Variants in DCDC1 observed in about 807,000 individuals in gnomAD.
DCDC1 encodes doublecortin domain-containing protein 1.
Under a neutral mutation model 178.3 loss-of-function variants are expected in DCDC1, and 200 were observed. The observed-to-expected ratio is 1.12, with a 90% CI of 1.00 to 1.26. The LOEUF is 1.26. Among genes scored for constraint, DCDC1 ranks in the 50% most tolerant of loss-of-function variants. The pLI, the probability that DCDC1 is intolerant of heterozygous loss-of-function variation, is 0.00. For synonymous variants in DCDC1, 690 were observed against 604.8 expected, an observed-to-expected ratio of 1.14 and a Z score of -2.07; for missense variants, 1,983 against 1,749.2, an observed-to-expected ratio of 1.13 and a Z score of -2.38.
chr11:31,139,677 G>C (rs1963583295), intron 9 of DCDC1, among the ~76,000 whole-genome samples: 1 of 152,126 alleles, frequency 6.6e-6, no homozygotes, highest in Admixed American at 6.5e-5. Flanking sequence ...CGAGTTTTCA[G>C]GGCCATGACA....
chr11:31,262,180 T>C (rs1170608859), intron 8 of DCDC1, among the ~76,000 whole-genome samples: 1 of 152,014 alleles, frequency 6.6e-6, no homozygotes, highest in Non-Finnish European at 1.5e-5. Flanking sequence ...GGTGGGAGGA[T>C]TGCTTGAGCT....
intron 1 of DCDC1, among the ~76,000 whole-genome samples, chr11:31,364,042 C>A (rs1396125981): frequency 1.3e-5 from 2 of 152,114 alleles, no homozygotes; most frequent in African/African-American, 4.8e-5. Flanking sequence ...GTGAACCATG[C>A]ACTCTCTGAG....
rs758114314 is a variant in DCDC1 at position 31,306,301 on chromosome 11, A to C, written c.522T>G (p.Ile174Met). ...ATCCATTTTTGTAAGCTGTTACTTT[A>C]ATCACTCTTGGTTGAAGTTTGTGTC... Reference protein sequence around the residue: ...SQRHKLQPRVIKVTAYKNGSR... With the variant: ...SQRHKLQPRVMKVTAYKNGSR... Residue 174 changes from isoleucine (I) to methionine (M), a missense_variant, in exon 5 of 39, where the codon ATT becomes ATG. Physicochemically the swap from Ile to Met is conservative, Grantham distance 10. Transcript: ENST00000684477. The C allele has an allele frequency of 1.2e-6, 2 of 1,611,244 alleles. No individual in the cohort carries two copies. Among genetic ancestry groups the C allele is most frequent in the South Asian group, 1.1e-5 (1 of 90,598 alleles).
intron 11 of DCDC1, among the ~76,000 whole-genome samples, chr11:31,112,992 A>G (rs750504730): frequency 6.6e-5 from 10 of 152,182 alleles, no homozygotes; most frequent in Non-Finnish European, 1.5e-4. Flanking sequence ...GCAGAACACA[A>G]CAAATGAGTA....
chr11:31,117,301 C>T (rs1475434617), intron 11 of DCDC1, among the ~76,000 whole-genome samples: 1 of 151,862 alleles, frequency 6.6e-6, no homozygotes, highest in African/African-American at 2.4e-5. Context: ...GAAGCAGCCA[C>T]TATCCTGGCT....
chr11:31,309,993 T>A (rs185958026), intron 3 of DCDC1, among the ~76,000 whole-genome samples: 1 of 152,296 alleles, frequency 6.6e-6, no homozygotes, highest in Non-Finnish European at 1.5e-5. Context: ...GTCACACACA[T>A]CTTCCCCATC....
intron 21 of DCDC1, among the ~76,000 whole-genome samples, chr11:30,942,076 G>T (rs966600947): frequency 2.6e-5 from 4 of 152,098 alleles, no homozygotes; most frequent in Non-Finnish European, 4.4e-5. Context: ...CACCAGTACA[G>T]AAATAATATT....
At chr11:31,204,003 T>TA (rs1337850397) in intron 9 of DCDC1, among the ~76,000 whole-genome samples, 1 of 152,224 alleles carries the variant, frequency 6.6e-6, no homozygotes, top group African/African-American at 2.4e-5. Context: ...CATATAACAT[T>TA]AATAAGCAAC....
At chr11:31,017,048 T>C (rs1952522710) in intron 20 of DCDC1, among the ~76,000 whole-genome samples, 1 of 152,238 alleles carries the variant, frequency 6.6e-6, no homozygotes, top group Admixed American at 6.5e-5. Flanking sequence ...AATGTGAATA[T>C]GTATTTATTT....
chr11:30,956,007 A>C (rs887749067), intron 20 of DCDC1, among the ~76,000 whole-genome samples: 2 of 152,172 alleles, frequency 1.3e-5, no homozygotes, highest in Non-Finnish European at 2.9e-5. Context: ...AGTGTTTAAG[A>C]ATTTGAGGAC....
chr11:30,968,950 A>G (rs893969267), intron 20 of DCDC1, among the ~76,000 whole-genome samples: 2 of 151,902 alleles, frequency 1.3e-5, no homozygotes, highest in Non-Finnish European at 2.9e-5. Flanking sequence ...TTTGCATGAT[A>G]TAATTTGCAA....
Position 30,894,301 on chromosome 11 carries a change from T to G in DCDC1, c.4849A>C (p.Thr1617Pro). ...VQPVVVEGGWTEQTQQEIKLM... is the reference protein window; with the variant it reads ...VQPVVVEGGWPEQTQQEIKLM... ...TTAATTTCCTGTTGAGTCTGTTCGG[T>G]CCAGCCTCCTTCAACCACCACGGGC... The change falls in exon 35 of 39, where the codon ACC (threonine) becomes CCC (proline). Residue 1617 changes from threonine to proline, a missense_variant. Transcript: ENST00000684477. 1 of 1,613,944 alleles carries G rather than the reference T, an allele frequency of 6.2e-7. No individual in the cohort carries two copies.
At chr11:31,080,084 G>T (rs1049395516) in intron 17 of DCDC1, among the ~76,000 whole-genome samples, 13 of 152,124 alleles carry the variant, frequency 8.5e-5, no homozygotes, top group Non-Finnish European at 1.8e-4. Flanking sequence ...TGAAGGTATT[G>T]GGGGAAGTTG....
chr11:31,359,933 C>G lies in DCDC1; in HGVS notation c.-125+9764G>C, dbSNP rs77975189. ...TTTGAATTTTTGCCTCTGTCTCTTCCCAGTCTCATTCCTTTATGTGTATGA... is the reference window on the plus strand; with the variant it reads ...TTTGAATTTTTGCCTCTGTCTCTTCGCAGTCTCATTCCTTTATGTGTATGA... On this transcript the variant is annotated intron_variant, in intron 1 of 38. Transcript: ENST00000684477. Among the ~76,000 whole-genome samples, 600 of 152,256 alleles carry G rather than the reference C, an allele frequency of 3.9e-3. 6 individuals carry two copies. Among genetic ancestry groups the G allele is most frequent in the African/African-American group, 0.014 (577 of 41,532 alleles).
intron 17 of DCDC1, among the ~76,000 whole-genome samples, chr11:31,089,610 TTC>T (rs1299685174): frequency 1.8e-5 from 2 of 113,198 alleles, no homozygotes; most frequent in African/African-American, 7.8e-5. Context: ...TGATGCTCCG[TTC>T]TTTTTTTTTT....
intron 17 of DCDC1, among the ~76,000 whole-genome samples, chr11:31,085,968 T>C (rs567926515): frequency 6.6e-6 from 1 of 152,170 alleles, no homozygotes; most frequent in Non-Finnish European, 1.5e-5. Context: ...TCTCAAGCAA[T>C]CCCTCCCTCC....
chr11:31,232,160 C>T (rs920978012), intron 9 of DCDC1, among the ~76,000 whole-genome samples: 1 of 152,216 alleles, frequency 6.6e-6, no homozygotes, highest in African/African-American at 2.4e-5. Flanking sequence ...CTGGAGAAGA[C>T]AGTCATTTTG....
At chr11:30,943,718 T>C in intron 21 of DCDC1, 1 of 441,572 alleles carries the variant, frequency 2.3e-6, no homozygotes, top group South Asian at 1.6e-5. Context: ...ATGTTGGTTT[T>C]CAATAAGGCT....
chr11:31,229,373 A>C (rs937655762), intron 9 of DCDC1, among the ~76,000 whole-genome samples: 1 of 152,154 alleles, frequency 6.6e-6, no homozygotes, highest in African/African-American at 2.4e-5. Context: ...AATCAATTCA[A>C]GTAACATATA....
Sources: allele counts gnomAD v4.1 joint callset (sites outside exome capture counted in the v4.1 genomes callset), GRCh38; gene constraint gnomAD v4.1.1; transcripts MANE v1.5; gene names NCBI Gene and HGNC (gene_info 2026-07-23, HGNC 2026-07-21).